Variants in CPS1 observed in about 807,000 individuals in gnomAD.
The protein encoded by CPS1 is carbamoyl-phosphate synthase 1.
In CPS1, 109 loss-of-function variants were observed where a neutral mutation model predicts 174.6. The ratio of observed to expected loss-of-function variants is 0.62; its 90% CI spans 0.53 to 0.73. CPS1 has a LOEUF of 0.73. Ranked by LOEUF, CPS1 falls within the 30% of genes least tolerant of loss-of-function variation. The pLI, the probability that CPS1 is intolerant of heterozygous loss-of-function variation, is 0.00. For missense variants in CPS1, 1,689 were observed against 1,821.9 expected (o/e 0.93, Z 1.33); for synonymous variants, 637 against 632.0 (o/e 1.01, Z -0.12).
At chr2:210,571,744 G>A (rs1342768071) in intron 1 of CPS1, among the ~76,000 whole-genome samples, 1 of 151,776 alleles carries the variant, frequency 6.6e-6, no homozygotes, top group African/African-American at 2.4e-5. Context: ...GAAAAATAAC[G>A]GGCTTTCTTC....
intron 1 of CPS1, among the ~76,000 whole-genome samples, chr2:210,531,881 T>C (rs1696123289): frequency 6.6e-6 from 1 of 152,166 alleles, no homozygotes; most frequent in African/African-American, 2.4e-5. Flanking sequence ...GGTGAACACC[T>C]TGAATACAGT....
upstream of CPS1, among the ~76,000 whole-genome samples, chr2:210,553,476 C>G (rs1451357912): frequency 6.6e-6 from 1 of 151,400 alleles, no homozygotes; most frequent in Non-Finnish European, 1.5e-5. Context: ...GAAAAGAAGA[C>G]TAAATCTAAA....
intron 21 of CPS1, chr2:210,619,688 G>T (rs1399478705): frequency 6.6e-6 from 1 of 151,998 alleles, no homozygotes; most frequent in Non-Finnish European, 1.5e-5. Context: ...CTTATTAAAA[G>T]ATAAATAGCT....
chr2:210,677,191 C>T, intron 37 of CPS1, 55 bp downstream of exon 37: 5 of 1,552,364 alleles, frequency 3.2e-6, no homozygotes, highest in South Asian at 1.1e-5. Flanking sequence ...CTGTGCCTCC[C>T]TTAAGAGTGT....
At chr2:210,596,542 A>C (rs147148729) in intron 13 of CPS1, among the ~76,000 whole-genome samples, 6 of 152,032 alleles carry the variant, frequency 3.9e-5, no homozygotes, top group Non-Finnish European at 8.8e-5. Flanking sequence ...AGTCTCAATG[A>C]CTTTACTCTT....
intron 1 of CPS1, among the ~76,000 whole-genome samples, chr2:210,524,698 T>C (rs2664238): frequency 0.62 from 93,720 of 151,640 alleles, 29,303 homozygotes; most frequent in South Asian, 0.68. Context: ...GATTCTCTGT[T>C]AGGTTGAGTA....
At chr2:210,650,511 T>C in intron 28 of CPS1, 73 bp downstream of exon 28, 1 of 1,077,570 alleles carries the variant, frequency 9.3e-7, no homozygotes. Context: ...CTTAATAAAA[T>C]GTAGTGACAT....
chr2:210,603,586 T>C (rs900043016), intron 16 of CPS1, among the ~76,000 whole-genome samples: 1 of 151,936 alleles, frequency 6.6e-6, no homozygotes, highest in Non-Finnish European at 1.5e-5. Flanking sequence ...TAACTGCCAA[T>C]TGTGACAGTG....
At chr2:210,502,157 C>T (rs893390733) in intron 1 of CPS1, among the ~76,000 whole-genome samples, 3 of 151,948 alleles carry the variant, frequency 2.0e-5, no homozygotes, top group Admixed American at 2.0e-4. Context: ...TCAATTATTT[C>T]CACCTGGTCC....
chr2:210,491,177 T>G (rs918646221), intron 1 of CPS1, among the ~76,000 whole-genome samples: 1 of 152,192 alleles, frequency 6.6e-6, no homozygotes, highest in African/African-American at 2.4e-5. Flanking sequence ...TAATTGGCTA[T>G]AAGAGTTTCA....
rs12991680 is a variant in CPS1, at chr2:210,599,829, C to T, written c.1549+268C>T. Among the ~76,000 whole-genome samples, 73,471 of 151,660 alleles carry T rather than the reference C, an allele frequency of 0.48. 18,089 individuals carry two copies. Among genetic ancestry groups the T allele is most frequent in the Middle Eastern group, 0.6 (175 of 294 alleles). ...TTTCTTGCATTTCTCTACTCTATCG[C>T]AGGATATTGCTTTTCTCTGTTGCTA... On this transcript the variant is annotated intron_variant, in intron 14 of 37. Transcript: ENST00000233072.
In CPS1 at chr2:210,613,281, G is replaced by C. The variant is rs140806813; in HGVS notation, c.2568+988G>C. On this transcript the variant is annotated intron_variant, in intron 20 of 37. Coordinates refer to ENST00000233072, the MANE Select transcript of CPS1 (RefSeq NM_001875.5). ...TTGAGTCCTTAAGAGACCTGAAGGA[G>C]AGGAAGGGATATTTCCTTAATTGCA... is the stretch of plus-strand genomic sequence containing the variant. Among the ~76,000 whole-genome samples the C allele has an allele frequency of 8.5e-3, 1,292 of 152,022 alleles. 13 individuals carry two copies. The highest frequency in any genetic ancestry group is 0.014 in the Non-Finnish European group (929 of 67,922).
chr2:210,539,569 C>A (rs1266791878), intron 1 of CPS1, among the ~76,000 whole-genome samples: 1 of 152,062 alleles, frequency 6.6e-6, no homozygotes. Flanking sequence ...CCAAGTTTGA[C>A]CTGCTTACCC....
chr2:210,514,467 TA>T (rs1695617859), intron 1 of CPS1, among the ~76,000 whole-genome samples: 1 of 151,976 alleles, frequency 6.6e-6, no homozygotes, highest in African/African-American at 2.4e-5. Flanking sequence ...CATTCTTGAT[TA>T]GGCTCTCAGC....
chr2:210,500,243 G>A (rs868397961), intron 1 of CPS1, among the ~76,000 whole-genome samples: 67 of 152,014 alleles, frequency 4.4e-4, no homozygotes, highest in African/African-American at 1.6e-3. Flanking sequence ...ATTTGGGTGG[G>A]GACACAGCCA....
At chr2:210,526,289 G>C (rs1695970798) in intron 1 of CPS1, among the ~76,000 whole-genome samples, 1 of 151,524 alleles carries the variant, frequency 6.6e-6, no homozygotes, top group African/African-American at 2.4e-5. Context: ...GTAGATGATG[G>C]GTTGATGGGT....
intron 1 of CPS1, among the ~76,000 whole-genome samples, chr2:210,544,839 A>T (rs1433494588): frequency 6.6e-6 from 1 of 152,072 alleles, no homozygotes; most frequent in Non-Finnish European, 1.5e-5. Context: ...TAGGGAATGT[A>T]TTTACTGAGG....
At chr2:210,487,251 C>T (rs138926208) in intron 1 of CPS1, among the ~76,000 whole-genome samples, 68 of 152,330 alleles carry the variant, frequency 4.5e-4, no homozygotes, top group African/African-American at 1.6e-3. Flanking sequence ...GTGCTCACCC[C>T]ACCCTGCTTC....
intron 1 of CPS1, among the ~76,000 whole-genome samples, chr2:210,531,359 C>G (rs1160100523): frequency 6.6e-6 from 1 of 152,114 alleles, no homozygotes; most frequent in Non-Finnish European, 1.5e-5. Flanking sequence ...GTAATGGTCT[C>G]TCAATTGTCA....
Sources: allele counts gnomAD v4.1 joint callset (sites outside exome capture counted in the v4.1 genomes callset), GRCh38; gene constraint gnomAD v4.1.1; transcripts MANE v1.5; gene names NCBI Gene and HGNC (gene_info 2026-07-23, HGNC 2026-07-21).